Variants in PDK1 observed in about 807,000 individuals in gnomAD.
PDK1 encodes the protein pyruvate dehydrogenase kinase 1, also known as [Pyruvate dehydrogenase (acetyl-transferring)] kinase isozyme 1, mitochondrial.
PDK1 carries 39 observed loss-of-function variants against 54.2 expected under a neutral mutation model. That is an observed-to-expected ratio of 0.72 (90% CI 0.56 to 0.94). PDK1 has a LOEUF of 0.94. Among genes scored for constraint, PDK1 ranks in the 40% least tolerant of loss-of-function variants. The pLI is 0.00. For synonymous variants in PDK1, 221 were observed against 207.1 expected, an observed-to-expected ratio of 1.07 and a Z score of -0.58; for missense variants, 552 against 566.0, an observed-to-expected ratio of 0.98 and a Z score of 0.25.
the PDK1 span, among the ~76,000 whole-genome samples, chr2:172,621,819 TGA>T: frequency 1.5e-5 from 2 of 134,190 alleles, no homozygotes; most frequent in East Asian, 3.9e-4. Context: ...CTCATATGTA[TGA>T]TATATGTTTA....
At chr2:172,634,691 T>C in the PDK1 span, among the ~76,000 whole-genome samples, 4 of 152,212 alleles carry the variant, frequency 2.6e-5, no homozygotes, top group African/African-American at 9.6e-5. Context: ...TTGAACATGT[T>C]TCCTTTTTCA....
chr2:172,689,201 T>C, the PDK1 span, among the ~76,000 whole-genome samples: 1 of 152,206 alleles, frequency 6.6e-6, no homozygotes, highest in Admixed American at 6.5e-5. Flanking sequence ...GATTGGTCCA[T>C]TTTACAAACC....
the PDK1 span, among the ~76,000 whole-genome samples, chr2:172,700,676 G>C: frequency 2.6e-5 from 4 of 152,134 alleles, no homozygotes; most frequent in East Asian, 7.7e-4. Flanking sequence ...AGGTTGTAGC[G>C]GGCAGAGATC....
the PDK1 span, among the ~76,000 whole-genome samples, chr2:172,687,263 T>C: frequency 6.6e-6 from 1 of 152,214 alleles, no homozygotes; most frequent in African/African-American, 2.4e-5. Context: ...TCTATATTGT[T>C]TCTTCTCTGT....
chr2:172,718,221 G>A, the PDK1 span, among the ~76,000 whole-genome samples: 126 of 152,290 alleles, frequency 8.3e-4, no homozygotes, highest in African/African-American at 3.0e-3. Flanking sequence ...TTAGGTAACA[G>A]GTTAGTTTGA....
the PDK1 span, among the ~76,000 whole-genome samples, chr2:172,645,240 T>A: frequency 1.4e-5 from 2 of 143,252 alleles, no homozygotes; most frequent in Non-Finnish European, 3.0e-5. Context: ...GGCTTAGCAA[T>A]GTACACAGTA....
At chr2:172,567,471 A>G (rs1464871550) in intron 6 of PDK1, among the ~76,000 whole-genome samples, 2 of 152,226 alleles carry the variant, frequency 1.3e-5, no homozygotes, top group South Asian at 2.1e-4. Flanking sequence ...TTTTCCTGAA[A>G]GCATGGTAGT....
chr2:172,631,108 G>A, the PDK1 span, among the ~76,000 whole-genome samples: 1 of 152,272 alleles, frequency 6.6e-6, no homozygotes, highest in Admixed American at 6.5e-5. Flanking sequence ...TATATACAAT[G>A]AGCCAATTTT....
the PDK1 span, among the ~76,000 whole-genome samples, chr2:172,668,286 T>C: frequency 2.4e-4 from 36 of 151,730 alleles, no homozygotes; most frequent in Non-Finnish European, 3.4e-4. Context: ...TTATTTTTTT[T>C]TTTTTTTGGC....
At chr2:172,691,380 A>G in the PDK1 span, 13 of 150,518 alleles carry the variant, frequency 8.6e-5, 1 homozygote, top group Admixed American at 3.4e-4. Flanking sequence ...TTGTTAGGAC[A>G]TTGGCACATT....
Position 172,602,446 on chromosome 2 carries a change from T to C in PDK1, c.*6477T>C, listed in dbSNP as rs2149316191. On this transcript the variant is annotated 3_prime_UTR_variant, in exon 11 of 11. Coordinates refer to ENST00000282077, the MANE Select transcript of PDK1 (RefSeq NM_002610.5). ...ATAGTTGTAATTAAAAGTGCTTAACTCACTTATATAAGCCATTAGTGGATG... is the reference window on the plus strand; with the variant it reads ...ATAGTTGTAATTAAAAGTGCTTAACCCACTTATATAAGCCATTAGTGGATG... The C allele has an allele frequency of 6.6e-6, 1 of 152,322 alleles. No homozygotes were observed. Among genetic ancestry groups the C allele is most frequent in the Non-Finnish European group, 1.5e-5 (1 of 68,034 alleles). The allele number at this position is 152,322 out of a possible 1,614,324, so 9.4% of individuals were successfully genotyped here. A position where few individuals can be genotyped will look rare whatever the true frequency, so the allele number is the denominator to read the frequency against.
At chr2:172,571,823 CTTTTTTTTT>C (rs36031428) in intron 8 of PDK1, among the ~76,000 whole-genome samples, 17 of 99,796 alleles carry the variant, frequency 1.7e-4, no homozygotes, top group East Asian at 2.9e-4. Context: ...TCTTTCTTTA[CTTTTTTTTT>C]TTTTTTTTTT....
intron 2 of PDK1, among the ~76,000 whole-genome samples, 191 bp from the exon 3 acceptor site, chr2:172,562,029 C>A (rs1168948663): frequency 6.6e-6 from 1 of 152,132 alleles, no homozygotes; most frequent in African/African-American, 2.4e-5. Flanking sequence ...AAAATGTGCA[C>A]CTTCTACCAT....
the PDK1 span, among the ~76,000 whole-genome samples, chr2:172,717,332 G>A: frequency 6.6e-5 from 10 of 152,256 alleles, no homozygotes; most frequent in South Asian, 1.5e-3. Flanking sequence ...GGATGACCTC[G>A]AGCCAGAACA....
chr2:172,655,743 C>A, the PDK1 span, among the ~76,000 whole-genome samples: 1 of 152,206 alleles, frequency 6.6e-6, no homozygotes, highest in South Asian at 2.1e-4. Context: ...TTACAGTGTG[C>A]CCTTTTAGCC....
Position 172,606,019 on chromosome 2 carries a change from A to G in PDK1, c.*10050A>G, listed in dbSNP as rs1691280376. On this transcript the variant is annotated 3_prime_UTR_variant, in exon 11 of 11. Transcript: ENST00000282077. The stretch of plus-strand genomic sequence containing the variant: ...TTGCGTGACCATAAAACTCTGTACT[A>G]TTATAGACATAAAACCATTTAATTT... 1 of 152,176 alleles carries G rather than the reference A, an allele frequency of 6.6e-6. No homozygotes were observed. The highest frequency in any genetic ancestry group is 2.4e-5 in the African/African-American group (1 of 41,434). 9.4% of individuals were successfully genotyped at this position (152,176 alleles called of 1,614,324 possible).
the PDK1 span, among the ~76,000 whole-genome samples, chr2:172,716,471 C>T: frequency 5.9e-3 from 900 of 152,036 alleles, 10 homozygotes; most frequent in African/African-American, 0.021. Context: ...ATTACAGGCA[C>T]GTGCCACCAC....
At chr2:172,692,186 A>G in the PDK1 span, among the ~76,000 whole-genome samples, 1 of 152,176 alleles carries the variant, frequency 6.6e-6, no homozygotes, top group South Asian at 2.1e-4. Flanking sequence ...GGCACTGGAA[A>G]TATTCTGTGT....
In PDK1 at chr2:172,566,859, G is replaced by T. The variant is rs2149217200; in HGVS notation, c.695G>T (p.Gly232Val). ...NCNVLEVIKD[G>V]YENARRLCDL... ...GTTTTGTTTTGATTCACACTAGATG[G>T]CTATGAAAATGCTAGGCGTCTGTGT... Residue 232 changes from glycine (G) to valine (V), a missense_variant, in exon 6 of 11, where the codon GGC becomes GTC. Gly to Val is a moderately radical substitution (Grantham distance 109). Transcript: ENST00000282077. The T allele has an allele frequency of 4.4e-6, 7 of 1,602,698 alleles. No homozygotes were observed. The highest frequency in any genetic ancestry group is 6.0e-6 in the Non-Finnish European group (7 of 1,171,120).
Sources: gnomAD v4.1 joint callset for allele counts (sites outside exome capture counted in the v4.1 genomes callset) on GRCh38, gnomAD v4.1.1 for gene constraint, MANE v1.5 for transcripts, NCBI Gene and HGNC (gene_info 2026-07-23, HGNC 2026-07-21) for gene names.